CECR2: variants seen among roughly 807,000 people sequenced by gnomAD.
CECR2 encodes CECR2 histone acetyl-lysine reader.
Under a neutral mutation model 154.5 loss-of-function variants are expected in CECR2, and 30 were observed. The ratio of observed to expected loss-of-function variants is 0.19; its 90% CI spans 0.15 to 0.26. The LOEUF is 0.26. Ranked by LOEUF, CECR2 falls within the 10% of genes least tolerant of loss-of-function variation. CECR2 has a pLI of 1.00. For synonymous variants in CECR2, 725 were observed against 683.7 expected, an observed-to-expected ratio of 1.06 and a Z score of -0.94; for missense variants, 1,743 against 1,829.3, an observed-to-expected ratio of 0.95 and a Z score of 0.86.
intron 3 of CECR2, among the ~76,000 whole-genome samples, chr22:17,498,239 A>C (rs2055667541): frequency 1.3e-5 from 2 of 152,142 alleles, no homozygotes; most frequent in Admixed American, 1.3e-4. Flanking sequence ...AAGTAAAAAA[A>C]AATTAGCCGG....
intron 8 of CECR2, among the ~76,000 whole-genome samples, chr22:17,520,408 A>AT (rs2056137136): frequency 6.6e-6 from 1 of 150,434 alleles, no homozygotes; most frequent in Non-Finnish European, 1.5e-5. Context: ...TTTTTTTTTT[A>AT]TTGTAAGTAG....
upstream of CECR2, among the ~76,000 whole-genome samples, chr22:17,367,197 T>C (rs2063006660): frequency 6.6e-6 from 1 of 152,120 alleles, no homozygotes; most frequent in Admixed American, 6.6e-5. Flanking sequence ...GTGGTGTTTG[T>C]AAACGACATT....
Position 17,549,034 on chromosome 22 carries a change from T to G in CECR2, c.3747T>G (p.Cys1249Trp), listed in dbSNP as rs1601208735. The change falls in exon 17 of 19, where the codon TGT becomes TGG. Residue 1249 changes from cysteine to tryptophan, a missense_variant. Physicochemically the swap from Cys to Trp is radical, Grantham distance 215. Transcript: ENST00000262608. ...ATGCCATGGCCAGTCTGCAAGGCTG[T>G]GAGACACTGAATGCTGCCTTAACTT... ...DKNAMASLQG[C>W]ETLNAALTSP... 6.2e-7 allele frequency: 1 copy of G among 1,613,966 alleles called. No individual in the cohort carries two copies. The highest frequency in any genetic ancestry group is 1.3e-5 in the African/African-American group (1 of 75,020).
intron 1 of CECR2, chr22:17,419,541 GAGGAA>G: frequency 1.5e-5 from 3 of 203,498 alleles, no homozygotes; most frequent in Admixed American, 1.0e-4. Context: ...GGAAGAGGAA[GAGGAA>G]GAGGAGGAGG....
At chr22:17,551,336 G>GT (rs1359586673) in intron 17 of CECR2, among the ~76,000 whole-genome samples, 2 of 142,486 alleles carry the variant, frequency 1.4e-5, no homozygotes, top group Admixed American at 6.9e-5. Context: ...TATTTTTATT[G>GT]TTTTTTTCTG....
intron 1 of CECR2, among the ~76,000 whole-genome samples, chr22:17,413,294 G>A (rs929725700): frequency 1.3e-5 from 2 of 152,156 alleles, no homozygotes; most frequent in East Asian, 3.9e-4. Context: ...AGCAGCAGAG[G>A]GCATGACATA....
intron 7 of CECR2, among the ~76,000 whole-genome samples, chr22:17,507,145 TG>T (rs2055862218): frequency 6.6e-6 from 1 of 152,186 alleles, no homozygotes; most frequent in East Asian, 1.9e-4. Flanking sequence ...ACATGTCAAA[TG>T]TATTATTTAA....
At chr22:17,438,307 T>G (rs537971179) in intron 1 of CECR2, among the ~76,000 whole-genome samples, 1 of 152,304 alleles carries the variant, frequency 6.6e-6, no homozygotes, top group East Asian at 1.9e-4. Flanking sequence ...TGTATAGTAT[T>G]GAGAAGTTTA....
At chr22:17,379,581 GGTGTGTGTGTGTGTGTGTGTGTGTGT>G (rs60634016) in intron 1 of CECR2, among the ~76,000 whole-genome samples, 1 of 137,814 alleles carries the variant, frequency 7.3e-6, no homozygotes, top group Admixed American at 7.3e-5. Context: ...CTACGTTGAA[GGTGTGTGTGTGTGTGTGTGTGTGTGT>G]GTGTGTGTGT....
At chr22:17,383,925 G>A (rs918711124) in intron 1 of CECR2, among the ~76,000 whole-genome samples, 181 of 152,024 alleles carry the variant, frequency 1.2e-3, no homozygotes, top group African/African-American at 4.2e-3. Context: ...CACCTACCTC[G>A]GCCTCCCAAA....
At position 17,548,667 on chromosome 22, in the gene CECR2, C is replaced by G. The variant is rs760515905; in HGVS notation, c.3380C>G (p.Pro1127Arg). 2.5e-6 allele frequency: 4 copies of G among 1,613,150 alleles called. No individual in the cohort carries two copies. The highest frequency in any genetic ancestry group is 2.5e-6 in the Non-Finnish European group (3 of 1,179,666). Residue 1127 changes from proline to arginine, a missense_variant, in exon 17 of 19, where the codon CCG (proline) becomes CGG (arginine). Physicochemically the swap from Pro to Arg is moderately radical, Grantham distance 103. Coordinates refer to ENST00000262608, the MANE Select transcript of CECR2 (RefSeq NM_001290047.2). ...PPLYMPGLEY[P>R]NSAAHYHISP... The stretch of plus-strand genomic sequence containing the variant: ...CTGTATATGCCTGGCCTAGAGTACC[C>G]GAATTCAGCTGCCCATTACCACATC...
At chr22:17,539,946 C>T (rs1191587082) in intron 13 of CECR2, among the ~76,000 whole-genome samples, 1 of 152,068 alleles carries the variant, frequency 6.6e-6, no homozygotes, top group East Asian at 1.9e-4. Context: ...GGATCCTCCT[C>T]CCTCAGTCCC....
At chr22:17,536,174 G>C (rs1479221271) in intron 9 of CECR2, among the ~76,000 whole-genome samples, 1 of 152,180 alleles carries the variant, frequency 6.6e-6, no homozygotes, top group Non-Finnish European at 1.5e-5. Flanking sequence ...CTTGAACCCA[G>C]GGGGCAGAGG....
chr22:17,523,964 A>G (rs1329942892), intron 8 of CECR2, among the ~76,000 whole-genome samples, 154 bp from the exon 9 acceptor site: 2 of 152,262 alleles, frequency 1.3e-5, no homozygotes, highest in East Asian at 1.9e-4. Flanking sequence ...ATGTATATCC[A>G]TGTGTATTTT....
intron 1 of CECR2, among the ~76,000 whole-genome samples, chr22:17,376,072 C>G (rs1293142206): frequency 6.6e-6 from 1 of 152,032 alleles, no homozygotes; most frequent in African/African-American, 2.4e-5. Context: ...GGAGGAAAGC[C>G]AAAGAACAGG....
intron 2 of CECR2, 99 bp from the exon 3 acceptor site, chr22:17,497,304 T>G: frequency 7.9e-7 from 1 of 1,258,316 alleles, no homozygotes; most frequent in South Asian, 1.5e-5. Context: ...AAAACAAAAA[T>G]CTGTTAGCTG....
chr22:17,416,717 G>A (rs554931845), intron 1 of CECR2, among the ~76,000 whole-genome samples: 2 of 152,262 alleles, frequency 1.3e-5, no homozygotes, highest in South Asian at 4.1e-4. Context: ...GGCCGAGCTG[G>A]TCTGGAACTG....
chr22:17,512,104 T>C (rs2055967332), intron 8 of CECR2, among the ~76,000 whole-genome samples: 2 of 152,222 alleles, frequency 1.3e-5, no homozygotes, highest in Non-Finnish European at 2.9e-5. Flanking sequence ...GACAATCTCC[T>C]GGGATGGTAG....
chr22:17,526,777 C>A (rs1001446073), intron 9 of CECR2, among the ~76,000 whole-genome samples: 3 of 142,342 alleles, frequency 2.1e-5, no homozygotes, highest in South Asian at 4.4e-4. Flanking sequence ...TCACTGCACT[C>A]CAACCTGTGT....
Sources: gnomAD v4.1 joint callset for allele counts (sites outside exome capture counted in the v4.1 genomes callset) on GRCh38, gnomAD v4.1.1 for gene constraint, MANE v1.5 for transcripts, NCBI Gene and HGNC (gene_info 2026-07-23, HGNC 2026-07-21) for gene names.